The following RGS7 variants were observed in gnomAD, a reference collection of about 807,000 sequenced individuals.
The protein encoded by RGS7 is regulator of G-protein signaling 7.
A neutral mutation model predicts 81.1 loss-of-function variants in RGS7; 27 were observed. The observed-to-expected ratio is 0.33, with a 90% confidence interval of 0.25 to 0.46. RGS7 has a LOEUF of 0.46. Among genes scored for constraint, RGS7 ranks in the 20% least tolerant of loss-of-function variants. RGS7 has a pLI of 1.00. For synonymous variants in RGS7, 208 were observed against 207.7 expected (o/e 1.00, Z -0.01); for missense variants, 396 against 607.4 (o/e 0.65, Z 3.66).
At chr1:241,314,730 G>C (rs555291296) in intron 2 of RGS7, among the ~76,000 whole-genome samples, 5 of 152,310 alleles carry the variant, frequency 3.3e-5, no homozygotes, top group African/African-American at 1.2e-4. Context: ...AAAAGAAGTA[G>C]AGCTGTGGTC....
chr1:241,140,155 G>A (rs1158871315), intron 2 of RGS7, among the ~76,000 whole-genome samples: 1 of 152,210 alleles, frequency 6.6e-6, no homozygotes, highest in African/African-American at 2.4e-5. Context: ...CAGGTAGAGA[G>A]CAACATTGAA....
chr1:241,319,916 C>G (rs1207123234), intron 2 of RGS7, among the ~76,000 whole-genome samples: 1 of 152,004 alleles, frequency 6.6e-6, no homozygotes, highest in Non-Finnish European at 1.5e-5. Context: ...CATGATGAAA[C>G]CCCGTCTCTA....
intron 2 of RGS7, among the ~76,000 whole-genome samples, chr1:241,213,794 T>TC (rs1212385612): frequency 6.6e-6 from 1 of 152,232 alleles, no homozygotes; most frequent in Non-Finnish European, 1.5e-5. Context: ...ATACTCTTTT[T>TC]CACTCTGATG....
At position 241,044,726 on chromosome 1, in the gene RGS7, C is replaced by T. The variant is rs547261796; in HGVS notation, c.175+53940G>A. Among the ~76,000 whole-genome samples, 4 of 152,170 alleles carry T rather than the reference C, an allele frequency of 2.6e-5. No individual in the cohort carries two copies. The South Asian group carries it at 6.2e-4, about 24-fold the overall frequency. On this transcript the variant is annotated intron_variant, in intron 3 of 18. Coordinates refer to ENST00000440928, the MANE Select transcript of RGS7 (RefSeq NM_001364886.1). ...GGAGTACAGGTGGTAAGCCACCACA[C>T]CTGACTTGTTTCTGTTGTTGTTTTG...
At chr1:240,827,864 CAAAAAAAAAA>C (rs57562408) in intron 9 of RGS7, among the ~76,000 whole-genome samples, 4 of 52,866 alleles carry the variant, frequency 7.6e-5, no homozygotes, top group African/African-American at 2.1e-4. Context: ...AACTCCATTG[CAAAAAAAAAA>C]AAAAAAAAAA....
In RGS7 at chr1:241,068,049, A is replaced by G. The variant is rs948580794; in HGVS notation, c.175+30617T>C. The stretch of plus-strand genomic sequence containing the variant: ...ATTTAAAATTTTAAAAAGCAGCAAG[A>G]CAGAATGGAAGACAGCGACTGAAAC... On this transcript the variant is annotated intron_variant, in intron 3 of 18. Coordinates refer to ENST00000440928, the MANE Select transcript of RGS7 (RefSeq NM_001364886.1). Among the ~76,000 whole-genome samples the G allele has an allele frequency of 3.6e-4, 55 of 151,368 alleles. 1 individual carries two copies. The East Asian group carries it at 0.01, about 29-fold the overall frequency.
At chr1:240,908,323 A>G (rs978011258) in intron 6 of RGS7, among the ~76,000 whole-genome samples, 1 of 152,152 alleles carries the variant, frequency 6.6e-6, no homozygotes, top group African/African-American at 2.4e-5. Flanking sequence ...ATTGTGCACA[A>G]GTACCTTAGA....
At chr1:241,007,518 T>C (rs2058735867) in intron 3 of RGS7, among the ~76,000 whole-genome samples, 1 of 152,192 alleles carries the variant, frequency 6.6e-6, no homozygotes, top group Non-Finnish European at 1.5e-5. Flanking sequence ...CCCTAAACTC[T>C]ACGTTGCTCA....
intron 18 of RGS7, among the ~76,000 whole-genome samples, chr1:240,799,602 T>C (rs551686047): frequency 7.9e-5 from 12 of 152,210 alleles, no homozygotes; most frequent in East Asian, 5.8e-4. Flanking sequence ...CTAGGCCACA[T>C]TGCAAGAAGA....
At chr1:241,338,211 T>C (rs546007113) in intron 2 of RGS7, among the ~76,000 whole-genome samples, 7 of 152,204 alleles carry the variant, frequency 4.6e-5, no homozygotes, top group Non-Finnish European at 8.8e-5. Flanking sequence ...TGGTTAAGAA[T>C]GTACAATTTC....
chr1:241,040,272 C>A (rs915337296), intron 3 of RGS7, among the ~76,000 whole-genome samples: 2 of 152,146 alleles, frequency 1.3e-5, no homozygotes, highest in Non-Finnish European at 2.9e-5. Flanking sequence ...ATCATGTATG[C>A]TGTAACCACT....
intron 2 of RGS7, among the ~76,000 whole-genome samples, chr1:241,230,439 C>T (rs2250326): frequency 0.45 from 68,727 of 151,924 alleles, 16,455 homozygotes; most frequent in African/African-American, 0.58. Context: ...GTCCTGAACT[C>T]CTGACCTCAA....
chr1:240,950,810 T>C (rs932715353), intron 4 of RGS7, among the ~76,000 whole-genome samples: 1 of 152,208 alleles, frequency 6.6e-6, no homozygotes. Flanking sequence ...TTCTGTCATT[T>C]ATAACCACAG....
intron 2 of RGS7, among the ~76,000 whole-genome samples, chr1:241,177,417 C>T (rs887989026): frequency 1.8e-4 from 27 of 151,388 alleles, no homozygotes; most frequent in Admixed American, 4.0e-4. Context: ...ACAGGGATGG[C>T]ATGTACAACA....
chr1:240,869,707 A>G (rs573510462), intron 7 of RGS7, among the ~76,000 whole-genome samples: 1 of 152,284 alleles, frequency 6.6e-6, no homozygotes, highest in Admixed American at 6.5e-5. Context: ...TAGGAGGCTG[A>G]GGCGGGTAGA....
intron 2 of RGS7, among the ~76,000 whole-genome samples, chr1:241,248,377 T>C (rs1004254000): frequency 1.4e-5 from 2 of 148,110 alleles, no homozygotes; most frequent in Non-Finnish European, 3.0e-5. Context: ...CGTATATATA[T>C]GTATATATAC....
At chr1:241,245,098 AAAT>A (rs1428769238) in intron 2 of RGS7, among the ~76,000 whole-genome samples, 1 of 152,176 alleles carries the variant, frequency 6.6e-6, no homozygotes, top group Non-Finnish European at 1.5e-5. Flanking sequence ...CCTAAAACTT[AAAT>A]AATAATAAAA....
intron 2 of RGS7, among the ~76,000 whole-genome samples, chr1:241,212,373 T>C (rs2074295551): frequency 6.6e-6 from 1 of 152,158 alleles, no homozygotes; most frequent in African/African-American, 2.4e-5. Flanking sequence ...TGACACACGG[T>C]TCCAAGCTTA....
At chr1:241,237,995 C>T (rs2076070691) in intron 2 of RGS7, among the ~76,000 whole-genome samples, 1 of 152,208 alleles carries the variant, frequency 6.6e-6, no homozygotes, top group Non-Finnish European at 1.5e-5. Flanking sequence ...TCCGCCAAGA[C>T]CGTCGCTGGG....
Sources: allele counts gnomAD v4.1 joint callset (sites outside exome capture counted in the v4.1 genomes callset), GRCh38; gene constraint gnomAD v4.1.1; transcripts MANE v1.5; gene names NCBI Gene and HGNC (gene_info 2026-07-23, HGNC 2026-07-21).